The following MIB1 variants were observed in gnomAD, a reference collection of about 807,000 sequenced individuals.
MIB1 encodes the protein MIB E3 ubiquitin protein ligase 1, also known as E3 ubiquitin-protein ligase MIB1.
In MIB1, 278 loss-of-function variants were observed where a neutral mutation model predicts 124.5. That is an observed-to-expected ratio of 2.23 (90% confidence interval 2.02 to 2.47). The LOEUF (loss-of-function observed/expected upper bound fraction) is 2.47, where lower values mean the gene tolerates loss of function less well. Ranked by LOEUF, MIB1 falls within the 30% of genes most tolerant of loss-of-function variation. The pLI is 0.00. For missense variants in MIB1, 957 were observed against 1,254.4 expected (o/e 0.76, Z 3.58); for synonymous variants, 446 against 429.4 (o/e 1.04, Z -0.48).
rs2040850894 is a variant in MIB1 at position 21,741,527 on chromosome 18, CCGGCGGCAGCGG to C, written c.-49_-38del. 2 of 1,272,108 alleles carry C rather than the reference CCGGCGGCAGCGG, an allele frequency of 1.6e-6. No individual in the cohort carries two copies. The highest frequency in any genetic ancestry group is 3.3e-5 in the East Asian group (1 of 30,438). 78.8% of individuals were successfully genotyped at this position (1,272,108 alleles called of 1,614,324 possible). On this transcript the variant is annotated 5_prime_UTR_variant, in exon 1 of 21. Transcript: ENST00000261537. The surrounding 1 kb of genome is among the most constrained non-coding windows in gnomAD (Gnocchi z 5.4). ...CGGGCCCAACTCCCTCACGGGCCCC[CCGGCGGCAGCGG>C]CGGCGGCGGCGGCGGCAGCGGCGGA...
At chr18:21,828,215 A>C (rs1719986557) in intron 12 of MIB1, 1 of 151,970 alleles carries the variant, frequency 6.6e-6, no homozygotes, top group African/African-American at 2.4e-5. Context: ...CCCTCTTTGG[A>C]GAAAGCAAAT....
chr18:21,732,269 A>C (rs1343666308), intron 1 of MIB1, among the ~76,000 whole-genome samples: 1 of 151,640 alleles, frequency 6.6e-6, no homozygotes, highest in East Asian at 1.9e-4. Context: ...CAGAGGTTGC[A>C]GTGAGCCGAG....
chr18:21,724,728 ATATAT>A (rs1201490743), intron 1 of MIB1, among the ~76,000 whole-genome samples: 592 of 18,770 alleles, frequency 0.032, 12 homozygotes, highest in Non-Finnish European at 0.042. Flanking sequence ...AAAAAAAAAA[ATATAT>A]ATATATATAT....
intron 12 of MIB1, 43 bp from the exon 13 acceptor site, chr18:21,838,322 T>C: frequency 7.0e-7 from 1 of 1,426,432 alleles, no homozygotes; most frequent in Non-Finnish European, 9.5e-7. Flanking sequence ...TTTGAGTATA[T>C]CAAATTATGC....
rs905132063 is a variant in MIB1 at position 21,866,828 on chromosome 18, C to T, written c.*2162C>T. 1 of 152,398 alleles carries T rather than the reference C, an allele frequency of 6.6e-6. No homozygotes were observed. Among genetic ancestry groups the T allele is most frequent in the African/African-American group, 2.4e-5 (1 of 41,420 alleles). The allele number at this position is 152,398 out of a possible 1,614,324, so 9.4% of individuals were successfully genotyped here. On this transcript the variant is annotated 3_prime_UTR_variant, in exon 21 of 21. Transcript: ENST00000261537. ...TTGTGGGTTTTCTGTATTTGTATCA[C>T]CTTGAAATTTGTTCCATGAATAGAA...
chr18:21,828,552 A>G, intron 12 of MIB1: 1 of 152,026 alleles, frequency 6.6e-6, no homozygotes, highest in East Asian at 1.9e-4. Context: ...TATTATGTGA[A>G]TGAAGCCAGC....
intron 1 of MIB1, among the ~76,000 whole-genome samples, chr18:21,722,739 T>C (rs1445263472): frequency 1.3e-5 from 2 of 152,158 alleles, no homozygotes; most frequent in Non-Finnish European, 2.9e-5. Flanking sequence ...TGCCTCTCAA[T>C]CTGGGTTTGT....
At chr18:21,738,535 C>T (rs540203091), upstream of MIB1, among the ~76,000 whole-genome samples, 158 of 151,926 alleles carry the variant, frequency 1.0e-3, 1 homozygote, top group Non-Finnish European at 4.7e-4. Flanking sequence ...AGGCTGGGCA[C>T]GGTGGCTCAC....
intron 12 of MIB1, among the ~76,000 whole-genome samples, chr18:21,822,050 G>A (rs1465556349): frequency 6.6e-6 from 1 of 152,196 alleles, no homozygotes; most frequent in African/African-American, 2.4e-5. Context: ...CTCAATAAAT[G>A]TTAGTCTTAC....
chr18:21,768,512 A>T (rs925283732), intron 2 of MIB1, 111 bp from the exon 3 acceptor site: 1 of 745,866 alleles, frequency 1.3e-6, no homozygotes, highest in Non-Finnish European at 2.0e-6. Context: ...TAACCAGAAC[A>T]ATGAAGAATC....
rs562374323 is a variant in MIB1, at chr18:21,838,582, A to C, written c.1962+85A>C. Reference sequence around the variant, plus strand: ...TTGCCATTCATTTATTTATTGCTTTATAAATTGCCTATTAGTAGGTTCCAG... The same window carrying C: ...TTGCCATTCATTTATTTATTGCTTTCTAAATTGCCTATTAGTAGGTTCCAG... On this transcript the variant is annotated intron_variant, in intron 13 of 20. Transcript: ENST00000261537. The C allele has an allele frequency of 4.4e-6, 5 of 1,144,316 alleles. No homozygotes were observed. In the South Asian group the frequency reaches 7.4e-5, roughly 17 times the overall value. 70.9% of individuals were successfully genotyped at this position (1,144,316 alleles called of 1,614,324 possible).
chr18:21,776,109 A>G (rs1483468093), intron 4 of MIB1, among the ~76,000 whole-genome samples: 49 of 152,208 alleles, frequency 3.2e-4, no homozygotes, highest in Non-Finnish European at 4.4e-5. Flanking sequence ...TCTACAAACA[A>G]TAAAAAATGT....
chr18:21,710,772 C>T (rs1377257792), intron 1 of MIB1, among the ~76,000 whole-genome samples: 2 of 151,332 alleles, frequency 1.3e-5, no homozygotes, highest in African/African-American at 2.4e-5. Context: ...CCTTTCTATT[C>T]AGGCCAATGA....
At chr18:21,744,707 T>G (rs1038873173) in intron 1 of MIB1, among the ~76,000 whole-genome samples, 2 of 152,224 alleles carry the variant, frequency 1.3e-5, no homozygotes, top group South Asian at 4.1e-4. Context: ...ATTATGTATT[T>G]TCGGCAAGAA....
At chr18:21,809,571 A>C (rs577602611) in intron 10 of MIB1, among the ~76,000 whole-genome samples, 1 of 152,262 alleles carries the variant, frequency 6.6e-6, no homozygotes, top group African/African-American at 2.4e-5. Context: ...AATGGGATTT[A>C]TTCCTGGAAT....
chr18:21,755,210 C>G, intron 1 of MIB1, among the ~76,000 whole-genome samples: 1 of 152,108 alleles, frequency 6.6e-6, no homozygotes. Context: ...CATTTTTTAT[C>G]TTTGTAAGCC....
intron 18 of MIB1, among the ~76,000 whole-genome samples, chr18:21,855,139 C>T (rs1539862): frequency 0.84 from 128,131 of 152,268 alleles, 54,620 homozygotes; most frequent in South Asian, 0.91. Context: ...CATTTATTTT[C>T]AGAACAATCC....
intron 12 of MIB1, chr18:21,826,157 G>A (rs1338375995): frequency 6.2e-6 from 1 of 161,710 alleles, no homozygotes; most frequent in Non-Finnish European, 1.3e-5. Context: ...TTAGAGTAAT[G>A]TTTTCCATTT....
chr18:21,859,208 A>G (rs939096677), intron 20 of MIB1, among the ~76,000 whole-genome samples: 7 of 152,046 alleles, frequency 4.6e-5, no homozygotes, highest in African/African-American at 1.4e-4. Flanking sequence ...CCAGGAGTTC[A>G]AGACCAGCCC....
Sources: gnomAD v4.1 joint callset for allele counts (sites outside exome capture counted in the v4.1 genomes callset) on GRCh38, gnomAD v4.1.1 for gene constraint, Gnocchi (gnomAD v3.1) non-coding constraint, MANE v1.5 for transcripts, NCBI Gene and HGNC (gene_info 2026-07-23, HGNC 2026-07-21) for gene names.